PUDP: variants seen among roughly 807,000 people sequenced by gnomAD.
PUDP encodes pseudouridine 5'-phosphatase.
Under a neutral mutation model 9.4 loss-of-function variants are expected in PUDP, and 8 were observed. That is an observed-to-expected ratio of 0.85 (90% CI 0.50 to 1.53). The LOEUF (loss-of-function observed/expected upper bound fraction) is 1.53, where lower values mean the gene tolerates loss of function less well. PUDP is among the 40% of genes most tolerant of loss of function. The pLI, the probability that PUDP is intolerant of heterozygous loss-of-function variation, is 0.00. For synonymous variants in PUDP, 99 were observed against 80.7 expected (o/e 1.23, Z -1.22); for missense variants, 188 against 189.7 (o/e 0.99, Z 0.05).
At chrX:7,100,795 G>A (rs1446374392) in intron 2 of PUDP, among the ~76,000 whole-genome samples, 1 of 111,949 alleles carries the variant, frequency 8.9e-6, no homozygotes, top group Non-Finnish European at 1.9e-5. Flanking sequence ...TTTGTGACTG[G>A]TATAATATTG....
chrX:6,952,648 G>A (rs946890533), intron 3 of PUDP, among the ~76,000 whole-genome samples: 5 of 111,621 alleles, frequency 4.5e-5, no homozygotes, highest in African/African-American at 1.6e-4. Flanking sequence ...GTATTAGGAG[G>A]TGAGATATTT....
intron 3 of PUDP, among the ~76,000 whole-genome samples, chrX:7,067,276 G>A (rs939040759): frequency 1.8e-5 from 2 of 112,046 alleles, no homozygotes; most frequent in Non-Finnish European, 3.8e-5. Context: ...CAGCTCTGGC[G>A]TAATTCTGCA....
At chrX:6,833,250 A>G (rs1471323268) in intron 3 of PUDP, among the ~76,000 whole-genome samples, 3 of 112,228 alleles carry the variant, frequency 2.7e-5, no homozygotes, top group African/African-American at 9.7e-5. Context: ...GTAGGTAGGT[A>G]GATGGATGGA....
At chrX:6,837,733 G>A (rs2057901698) in intron 3 of PUDP, among the ~76,000 whole-genome samples, 1 of 111,692 alleles carries the variant, frequency 9.0e-6, no homozygotes, top group Admixed American at 9.5e-5. Flanking sequence ...TATGTACACT[G>A]ATGCGCAACC....
intron 3 of PUDP, among the ~76,000 whole-genome samples, chrX:6,731,669 C>T (rs766640653): frequency 7.8e-5 from 8 of 102,630 alleles, no homozygotes; most frequent in Non-Finnish European, 1.2e-4. Flanking sequence ...TATTTCACAG[C>T]GTTTTTGTTT....
At chrX:7,061,164 T>C (rs1400424996) in intron 3 of PUDP, among the ~76,000 whole-genome samples, 1 of 111,416 alleles carries the variant, frequency 9.0e-6, no homozygotes, top group Non-Finnish European at 1.9e-5. Context: ...TGGAAATTAC[T>C]GGGGCTACTG....
intron 3 of PUDP, among the ~76,000 whole-genome samples, chrX:6,740,713 T>C (rs760961305): frequency 8.9e-6 from 1 of 111,974 alleles, no homozygotes; most frequent in East Asian, 2.8e-4. Flanking sequence ...AGTGAGTGCA[T>C]TCATTGAAAT....
At position 6,746,015 on chromosome X, in the gene PUDP, G is replaced by T. The variant is rs780021356; in HGVS notation, c.*248-39549C>A. Among the ~76,000 whole-genome samples the T allele has an allele frequency of 2.9e-3, 323 of 112,019 alleles. 1 individual carries two copies. The highest frequency in any genetic ancestry group is 5.2e-3 in the Non-Finnish European group (274 of 53,170). On this transcript the variant is annotated intron_variant and NMD_transcript_variant, in intron 3 of 3. Coordinates refer to the PUDP transcript ENST00000655425. ...TCCATAGAGAGGGGCAAGATCCACT[G>T]ATCACAAAGCCCCCCTGGGGCTGTG...
At chrX:6,923,510 TC>T (rs1291702338) in intron 3 of PUDP, among the ~76,000 whole-genome samples, 1 of 111,933 alleles carries the variant, frequency 8.9e-6, no homozygotes. Context: ...CTTCCAGTTG[TC>T]CAGGCAGAAA....
chrX:6,750,276 AGTCTTGGGTCACCCCCT>A (rs1350133711), intron 3 of PUDP, among the ~76,000 whole-genome samples: 1 of 111,788 alleles, frequency 8.9e-6, no homozygotes, highest in Non-Finnish European at 1.9e-5. Flanking sequence ...AGCCCACTGG[AGTCTTGGGTCACCCCCT>A]GCCATTTTCA....
At chrX:6,897,917 C>CA (rs1927616273) in intron 3 of PUDP, among the ~76,000 whole-genome samples, 2 of 111,624 alleles carry the variant, frequency 1.8e-5, no homozygotes, top group African/African-American at 6.5e-5. Flanking sequence ...ATCTCCTCTG[C>CA]AAAAAGGGAT....
At chrX:7,061,235 T>C (rs980733174) in intron 3 of PUDP, among the ~76,000 whole-genome samples, 2 of 111,516 alleles carry the variant, frequency 1.8e-5, no homozygotes, top group Admixed American at 1.9e-4. Flanking sequence ...ATTTCATTCA[T>C]GATCACCCCC....
intron 3 of PUDP, among the ~76,000 whole-genome samples, chrX:6,789,316 A>G (rs1458332285): frequency 9.2e-6 from 1 of 109,094 alleles, no homozygotes; most frequent in Non-Finnish European, 1.9e-5. Context: ...TAAATAAATA[A>G]ATAAATAAAT....
At chrX:7,086,263 T>C (rs1297941599) in intron 2 of PUDP, among the ~76,000 whole-genome samples, 3 of 112,337 alleles carry the variant, frequency 2.7e-5, no homozygotes, top group Non-Finnish European at 5.6e-5. Context: ...GCTGTGTTTA[T>C]CCTTGACACT....
intron 3 of PUDP, among the ~76,000 whole-genome samples, chrX:6,945,074 C>T (rs1038285026): frequency 8.9e-6 from 1 of 111,851 alleles, no homozygotes; most frequent in Non-Finnish European, 1.9e-5. Flanking sequence ...TTAAAACCTC[C>T]ACCTGCAAGC....
At chrX:7,124,453 T>C (rs1357844339) in intron 1 of PUDP, among the ~76,000 whole-genome samples, 1 of 111,311 alleles carries the variant, frequency 9.0e-6, no homozygotes, top group East Asian at 2.8e-4. Flanking sequence ...GGTGAAACAG[T>C]GCTAGCTTTG....
rs189704778 is a variant in PUDP, at chrX:6,804,447, C to T, written c.*248-97981G>A. On this transcript the variant is annotated intron_variant and NMD_transcript_variant, in intron 3 of 3. Coordinates refer to the PUDP transcript ENST00000655425. Reference sequence around the variant, plus strand: ...ACCTATGACGTATCAATCATCCTTTCTGACTCTCCAAATTTATAGTGTCTA... The same window carrying T: ...ACCTATGACGTATCAATCATCCTTTTTGACTCTCCAAATTTATAGTGTCTA... 3.1e-3 allele frequency among the ~76,000 whole-genome samples: 346 copies of T among 111,859 alleles called. 1 individual carries two copies. The highest frequency in any genetic ancestry group is 4.7e-3 in the Non-Finnish European group (249 of 53,148).
At chrX:6,870,810 G>C (rs183621478) in intron 3 of PUDP, among the ~76,000 whole-genome samples, 1 of 111,928 alleles carries the variant, frequency 8.9e-6, no homozygotes, top group Non-Finnish European at 1.9e-5. Flanking sequence ...CTCTTGATGG[G>C]AAGTGTCATA....
intron 3 of PUDP, among the ~76,000 whole-genome samples, chrX:6,824,052 C>G (rs1926387200): frequency 9.1e-6 from 1 of 109,992 alleles, no homozygotes; most frequent in Non-Finnish European, 1.9e-5. Flanking sequence ...TGTGTCTCCA[C>G]ATAAATCTCA....
Sources: allele counts gnomAD v4.1 joint callset (sites outside exome capture counted in the v4.1 genomes callset), GRCh38; gene constraint gnomAD v4.1.1; transcripts MANE v1.5; gene names NCBI Gene and HGNC (gene_info 2026-07-23, HGNC 2026-07-21).